Variants in B3GALT1 observed in about 807,000 individuals in gnomAD.
B3GALT1 encodes UDP-Gal:betaGlcNAc beta 1,3-galactosyltransferase, polypeptide 1.
A neutral mutation model predicts 23.2 loss-of-function variants in B3GALT1; 10 were observed. The ratio of observed to expected loss-of-function variants is 0.43; its 90% CI spans 0.27 to 0.73. The LOEUF is 0.73. Among genes scored for constraint, B3GALT1 ranks in the 30% least tolerant of loss-of-function variants. The probability of loss-of-function intolerance (pLI) is 0.21; values close to 1 mark genes in which losing one functional copy is unlikely to be tolerated. For synonymous variants in B3GALT1, 156 were observed against 141.5 expected (o/e 1.10, Z -0.73); for missense variants, 299 against 405.4 (o/e 0.74, Z 2.25).
rs187719595 is a variant in B3GALT1, at chr2:167,811,374, C to T, written c.-351-7298C>T. On this transcript the variant is annotated intron_variant, in intron 3 of 4. Coordinates refer to ENST00000392690, the MANE Select transcript of B3GALT1 (RefSeq NM_020981.4). ...CAAGGCATGGGAAACACTTTCACAG[C>T]GGCAGATTTAACTCCCTTTTTCTTT... Among the ~76,000 whole-genome samples the T allele has an allele frequency of 8.5e-4, 129 of 152,310 alleles. 2 individuals are homozygous for T. In the South Asian group the frequency reaches 0.021, roughly 24 times the overall value.
intron 1 of B3GALT1, among the ~76,000 whole-genome samples, chr2:167,389,521 A>G (rs73021738): frequency 0.032 from 4,863 of 152,174 alleles, 247 homozygotes; most frequent in African/African-American, 0.11. Context: ...TGTTAGGGAG[A>G]TCAACCAAAT....
intron 1 of B3GALT1, among the ~76,000 whole-genome samples, chr2:167,299,581 A>G (rs996889445): frequency 2.0e-4 from 31 of 152,218 alleles, no homozygotes; most frequent in Non-Finnish European, 4.3e-4. Context: ...AGCTAATGAT[A>G]AACAGGAAAG....
intron 2 of B3GALT1, among the ~76,000 whole-genome samples, chr2:167,636,851 G>A (rs1358632555): frequency 2.0e-5 from 3 of 152,046 alleles, no homozygotes; most frequent in East Asian, 1.9e-4. Flanking sequence ...GGGGGGCTAT[G>A]GGAGGGAAAG....
At chr2:167,711,323 T>A (rs999506149) in intron 3 of B3GALT1, among the ~76,000 whole-genome samples, 5 of 152,218 alleles carry the variant, frequency 3.3e-5, no homozygotes, top group Non-Finnish European at 7.3e-5. Flanking sequence ...ATCTTCATGC[T>A]TTATTTACTT....
rs564892929 is a variant in B3GALT1 at position 167,447,270 on chromosome 2, C to G, written c.-510-42907C>G. On this transcript the variant is annotated intron_variant, in intron 1 of 4. Coordinates refer to ENST00000392690, the MANE Select transcript of B3GALT1 (RefSeq NM_020981.4). ...GGCCGTGTGAGGTGTCAGTCGGCCC[C>G]TACTGGGGGGTGCCTCCCAGTTAGG... 2.6e-5 allele frequency among the ~76,000 whole-genome samples: 4 copies of G among 152,318 alleles called. No homozygotes were observed. The East Asian group carries it at 7.7e-4, about 29-fold the overall frequency.
intron 1 of B3GALT1, among the ~76,000 whole-genome samples, chr2:167,443,862 T>C (rs1242041067): frequency 2.1e-4 from 32 of 152,210 alleles, no homozygotes; most frequent in African/African-American, 7.7e-4. Flanking sequence ...CCTTTCTTTC[T>C]TTCTCCTGCC....
chr2:167,747,135 A>G (rs1019539420), intron 3 of B3GALT1, among the ~76,000 whole-genome samples: 5 of 152,090 alleles, frequency 3.3e-5, no homozygotes, highest in Admixed American at 3.3e-4. Context: ...TGGGGCTTAT[A>G]TGTAAAATGA....
intron 1 of B3GALT1, among the ~76,000 whole-genome samples, chr2:167,428,624 G>A (rs987748625): frequency 6.6e-6 from 1 of 151,974 alleles, no homozygotes; most frequent in African/African-American, 2.4e-5. Context: ...GTTGCAGTGA[G>A]CTGAGATCGC....
At chr2:167,650,413 G>A (rs921313258) in intron 3 of B3GALT1, among the ~76,000 whole-genome samples, 7 of 151,024 alleles carry the variant, frequency 4.6e-5, no homozygotes, top group Non-Finnish European at 7.4e-5. Flanking sequence ...TTGGTAAGCC[G>A]CTGGATTCAT....
intron 2 of B3GALT1, among the ~76,000 whole-genome samples, chr2:167,523,326 G>T (rs1298030245): frequency 6.6e-6 from 1 of 151,942 alleles, no homozygotes; most frequent in South Asian, 2.1e-4. Flanking sequence ...TTACTAAAGG[G>T]TATGTAATGA....
chr2:167,517,880 C>T (rs747830956), intron 2 of B3GALT1, among the ~76,000 whole-genome samples: 3 of 151,974 alleles, frequency 2.0e-5, no homozygotes, highest in Non-Finnish European at 4.4e-5. Flanking sequence ...GGATAAAATC[C>T]TTAACTCTAA....
intron 3 of B3GALT1, among the ~76,000 whole-genome samples, chr2:167,678,458 A>C (rs574551170): frequency 1.4e-5 from 2 of 144,934 alleles, no homozygotes; most frequent in South Asian, 4.5e-4. Context: ...CTGCCTGATG[A>C]GATGACTGCA....
At chr2:167,828,871 T>G (rs1244559209) in intron 4 of B3GALT1, among the ~76,000 whole-genome samples, 1 of 152,228 alleles carries the variant, frequency 6.6e-6, no homozygotes, top group Non-Finnish European at 1.5e-5. Flanking sequence ...ATGCAGGTCT[T>G]GACATTAACA....
intron 2 of B3GALT1, among the ~76,000 whole-genome samples, chr2:167,499,356 T>C (rs1049856410): frequency 6.6e-6 from 1 of 152,178 alleles, no homozygotes; most frequent in African/African-American, 2.4e-5. Flanking sequence ...ATGATTTTTT[T>C]AAAAGATAGC....
At chr2:167,675,657 A>G (rs748283314) in intron 3 of B3GALT1, among the ~76,000 whole-genome samples, 13 of 152,142 alleles carry the variant, frequency 8.5e-5, no homozygotes, top group Non-Finnish European at 1.9e-4. Flanking sequence ...CCTAGCAAAA[A>G]CAAACCCCAA....
intron 4 of B3GALT1, among the ~76,000 whole-genome samples, chr2:167,830,552 T>C (rs1558994367): frequency 6.6e-6 from 1 of 152,192 alleles, no homozygotes; most frequent in Non-Finnish European, 1.5e-5. Flanking sequence ...TATTTGAAGA[T>C]GATGCTACCA....
chr2:167,450,636 C>T (rs1699074552), intron 1 of B3GALT1, among the ~76,000 whole-genome samples: 1 of 152,194 alleles, frequency 6.6e-6, no homozygotes, highest in Non-Finnish European at 1.5e-5. Context: ...TTCTTTCCTT[C>T]ATCTTGTCTT....
chr2:167,541,640 G>C (rs542829688), intron 2 of B3GALT1, among the ~76,000 whole-genome samples: 1 of 151,808 alleles, frequency 6.6e-6, no homozygotes, highest in African/African-American at 2.4e-5. Flanking sequence ...TTTTTTTCTG[G>C]AATCACTGCA....
At chr2:167,659,897 G>A (rs996693293) in intron 3 of B3GALT1, among the ~76,000 whole-genome samples, 32 of 151,994 alleles carry the variant, frequency 2.1e-4, no homozygotes, top group African/African-American at 7.7e-4. Flanking sequence ...GCCTGTCACT[G>A]TGTAGTAGTG....
Sources: allele counts gnomAD v4.1 joint callset (sites outside exome capture counted in the v4.1 genomes callset), GRCh38; gene constraint gnomAD v4.1.1; transcripts MANE v1.5; gene names NCBI Gene and HGNC (gene_info 2026-07-23, HGNC 2026-07-21).